ANKRD30A: variants seen among roughly 807,000 people sequenced by gnomAD.
The protein encoded by ANKRD30A is ankyrin repeat domain-containing protein 30A.
A neutral mutation model predicts 166.3 loss-of-function variants in ANKRD30A; 170 were observed. That is an observed-to-expected ratio of 1.02 (90% confidence interval 0.90 to 1.16). The LOEUF is 1.16. Ranked by LOEUF, ANKRD30A falls within the 50% of genes most tolerant of loss-of-function variation. The pLI is 0.00. For synonymous variants in ANKRD30A, 564 were observed against 508.9 expected (o/e 1.11, Z -1.46); for missense variants, 1,630 against 1,518.0 (o/e 1.07, Z -1.23).
At chr10:37,226,092 T>G (rs1280319497) in intron 34 of ANKRD30A, among the ~76,000 whole-genome samples, 1 of 150,908 alleles carries the variant, frequency 6.6e-6, no homozygotes, top group Admixed American at 6.6e-5. Flanking sequence ...AGCATAACAT[T>G]TTCTTTTTAT....
chr10:37,211,047 A>G (rs532923232), intron 31 of ANKRD30A, among the ~76,000 whole-genome samples: 3 of 152,062 alleles, frequency 2.0e-5, no homozygotes, highest in East Asian at 3.9e-4. Context: ...TCCCATGCCT[A>G]TGTCCTGAAT....
the ANKRD30A span, among the ~76,000 whole-genome samples, chr10:37,260,436 G>C: frequency 6.6e-6 from 1 of 152,090 alleles, no homozygotes; most frequent in Admixed American, 6.6e-5. Flanking sequence ...TGTTCTCCTA[G>C]TGTAACTCTT....
chr10:37,202,113 A>G (rs757953526), intron 31 of ANKRD30A, among the ~76,000 whole-genome samples: 9 of 152,098 alleles, frequency 5.9e-5, no homozygotes, highest in Non-Finnish European at 8.8e-5. Flanking sequence ...GAAGAATAGC[A>G]ATTGAATAGA....
chr10:37,165,272 A>G (rs1314460079), intron 18 of ANKRD30A, 117 bp downstream of exon 18: 4 of 1,008,888 alleles, frequency 4.0e-6, no homozygotes, highest in Non-Finnish European at 5.9e-6. Flanking sequence ...ATTATTTTTG[A>G]TGTTTTTCAG....
At chr10:37,157,616 G>A (rs539423332) in intron 13 of ANKRD30A, among the ~76,000 whole-genome samples, 4 of 152,178 alleles carry the variant, frequency 2.6e-5, no homozygotes, top group African/African-American at 4.8e-5. Flanking sequence ...CCAGAGATCC[G>A]CCCTCCTCAG....
chr10:37,255,097 G>A, the ANKRD30A span, among the ~76,000 whole-genome samples: 1 of 152,016 alleles, frequency 6.6e-6, no homozygotes, highest in Non-Finnish European at 1.5e-5. Context: ...AGAAACTCTT[G>A]TCAAACCCAA....
At chr10:37,252,154 T>G in the ANKRD30A span, among the ~76,000 whole-genome samples, 11 of 152,164 alleles carry the variant, frequency 7.2e-5, no homozygotes, top group African/African-American at 2.7e-4. Context: ...GTTTTCAGAT[T>G]GTTCTTCTTG....
chr10:37,149,304 A>G (rs748324613), intron 9 of ANKRD30A, among the ~76,000 whole-genome samples: 6 of 152,094 alleles, frequency 3.9e-5, no homozygotes, highest in Non-Finnish European at 8.8e-5. Context: ...AAAGAACATG[A>G]TGAATAGAAT....
chr10:37,179,775 A>G (rs1840059916), intron 24 of ANKRD30A, among the ~76,000 whole-genome samples: 1 of 120,826 alleles, frequency 8.3e-6, no homozygotes, highest in African/African-American at 3.0e-5. Flanking sequence ...CAGCTTTTGC[A>G]TTTATTTTCT....
intron 10 of ANKRD30A, 38 bp from the exon 11 acceptor site, chr10:37,149,739 C>T (rs1409572715): frequency 1.9e-6 from 3 of 1,612,534 alleles, no homozygotes; most frequent in Non-Finnish European, 1.7e-6. Flanking sequence ...GTGAAGTATA[C>T]ATTCTTTATT....
chr10:37,142,167 A>T lies in ANKRD30A; in HGVS notation c.1270A>T (p.Thr424Ser). 1 of 1,614,098 alleles carries T rather than the reference A, an allele frequency of 6.2e-7. No homozygotes were observed. Among genetic ancestry groups the T allele is most frequent in the Non-Finnish European group, 8.5e-7 (1 of 1,180,014 alleles). ...GAAGATCGCATGGGAGAAAAAAGAA[A>T]CACCTGTAAAGACTGGATGCGTGGC... is the stretch of plus-strand genomic sequence containing the variant. ...PRKIAWEKKE[T>S]PVKTGCVARV... Residue 424 changes from threonine (T) to serine (S), a missense_variant, in exon 7 of 36, where the codon ACA (threonine) becomes TCA (serine). By Grantham distance (58) the Thr-to-Ser change is moderately conservative. Coordinates refer to ENST00000361713, the MANE Select transcript of ANKRD30A (RefSeq NM_052997.3).
chr10:37,240,887 G>A, the ANKRD30A span: 5 of 151,972 alleles, frequency 3.3e-5, no homozygotes, highest in African/African-American at 7.3e-5. Flanking sequence ...GCCAAGGAGC[G>A]GATTATCTCA....
chr10:37,139,428 T>C (rs1836949233), intron 6 of ANKRD30A, among the ~76,000 whole-genome samples: 1 of 152,184 alleles, frequency 6.6e-6, no homozygotes. Flanking sequence ...ATTAACCTGG[T>C]CATCCCCACC....
chr10:37,151,976 G>A, intron 11 of ANKRD30A, 84 bp from the exon 12 acceptor site: 1 of 1,248,976 alleles, frequency 8.0e-7, no homozygotes. Flanking sequence ...ACAGATTCGT[G>A]AATGAAAGTA....
At chr10:37,264,049 ATTG>A in the ANKRD30A span, among the ~76,000 whole-genome samples, 1 of 152,232 alleles carries the variant, frequency 6.6e-6, no homozygotes, top group East Asian at 1.9e-4. Context: ...TTAAAGAAAC[ATTG>A]TTAAGAGGCA....
intron 1 of ANKRD30A, among the ~76,000 whole-genome samples, chr10:37,126,359 G>A (rs1336591597): frequency 6.6e-6 from 1 of 152,194 alleles, no homozygotes; most frequent in Non-Finnish European, 1.5e-5. Context: ...TACATTTAAT[G>A]TACAGGTTTT....
chr10:37,249,316 T>A, the ANKRD30A span, among the ~76,000 whole-genome samples: 10 of 152,188 alleles, frequency 6.6e-5, no homozygotes, highest in Non-Finnish European at 1.0e-4. Flanking sequence ...TGTGATTCTA[T>A]TAATGGCAAA....
chr10:37,144,440 CT>C, intron 7 of ANKRD30A, among the ~76,000 whole-genome samples: 1 of 152,280 alleles, frequency 6.6e-6, no homozygotes, highest in Admixed American at 6.5e-5. Context: ...AATACAAGTT[CT>C]TTAAGCTTAT....
chr10:37,183,499 CTT>C (rs1259872621), intron 24 of ANKRD30A, among the ~76,000 whole-genome samples: 2 of 146,768 alleles, frequency 1.4e-5, no homozygotes, highest in Non-Finnish European at 3.0e-5. Context: ...TCTTTTCTCT[CTT>C]TTTCTTTTTT....
Sources: allele counts gnomAD v4.1 joint callset (sites outside exome capture counted in the v4.1 genomes callset), GRCh38; gene constraint gnomAD v4.1.1; transcripts MANE v1.5; gene names NCBI Gene and HGNC (gene_info 2026-07-23, HGNC 2026-07-21).